CDH1: variants seen among roughly 807,000 people sequenced by gnomAD.
The protein encoded by CDH1 is cadherin 1, also known as cadherin-1.
In CDH1, 35 loss-of-function variants were observed where a neutral mutation model predicts 84.5. That is an observed-to-expected ratio of 0.41 (90% CI 0.32 to 0.55). The LOEUF is 0.55. CDH1 is among the 20% of genes least tolerant of loss of function. The pLI, the probability that CDH1 is intolerant of heterozygous loss-of-function variation, is 0.19. For synonymous variants in CDH1, 417 were observed against 439.0 expected (o/e 0.95, Z 0.63); for missense variants, 994 against 1,126.6 (o/e 0.88, Z 1.68).
intron 13 of CDH1, among the ~76,000 whole-genome samples, chr16:68,827,698 C>T (rs927505663): frequency 6.6e-6 from 1 of 152,114 alleles, no homozygotes; most frequent in Non-Finnish European, 1.5e-5. Flanking sequence ...AACTCAGAAT[C>T]AAAGCCAAAG....
intron 7 of CDH1, 138 bp downstream of exon 7, chr16:68,811,997 A>G (rs1302605128): frequency 1.4e-6 from 2 of 1,423,226 alleles, no homozygotes; most frequent in East Asian, 4.6e-5. Flanking sequence ...GCTTGTGCCC[A>G]GAGGTTCCGT....
intron 13 of CDH1, 76 bp downstream of exon 13, chr16:68,823,702 G>C: frequency 3.0e-6 from 3 of 984,040 alleles, no homozygotes; most frequent in Non-Finnish European, 4.7e-6. Flanking sequence ...AATGATTTTT[G>C]TTCTTATATT....
At chr16:68,758,129 T>C (rs192022067) in intron 2 of CDH1, among the ~76,000 whole-genome samples, 296 of 151,004 alleles carry the variant, frequency 2.0e-3, no homozygotes, top group Middle Eastern at 3.4e-3. Context: ...TTTCTTTCTT[T>C]TTTTTCAAAT....
intron 13 of CDH1, among the ~76,000 whole-genome samples, chr16:68,826,855 T>C (rs962562500): frequency 2.0e-5 from 3 of 152,214 alleles, no homozygotes; most frequent in African/African-American, 7.2e-5. Flanking sequence ...TGATGAATCA[T>C]GGACAAGGGA....
rs113999682 is a variant in CDH1, at chr16:68,832,228, A to G, written c.2440-1062A>G. Among the ~76,000 whole-genome samples the G allele has an allele frequency of 4.6e-3, 703 of 152,162 alleles. 13 individuals are homozygous for G. Among genetic ancestry groups the G allele is most frequent in the African/African-American group, 0.016 (683 of 41,472 alleles). ...AATCTGTACAACAAATCCCCATGACATGAGTTTACGATTTGTTACCTATAT... is the reference window on the plus strand; with the variant it reads ...AATCTGTACAACAAATCCCCATGACGTGAGTTTACGATTTGTTACCTATAT... On this transcript the variant is annotated intron_variant, in intron 15 of 15. Coordinates refer to ENST00000261769, the MANE Select transcript of CDH1 (RefSeq NM_004360.5).
rs772622537 is a variant in CDH1, at chr16:68,813,423, G to C, written c.1248G>C (p.Leu416Phe). Reference sequence around the variant, plus strand: ...CGTGGGAGGCTGTATACACCATATTGAATGATGATGGTGGACAATTTGTCG... The same window carrying C: ...CGTGGGAGGCTGTATACACCATATTCAATGATGATGGTGGACAATTTGTCG... ...TPAWEAVYTI[L>F]NDDGGQFVVT... Residue 416 changes from leucine (L) to phenylalanine (F), a missense_variant, in exon 9 of 16, where the codon TTG (leucine) becomes TTC (phenylalanine). This residue lies in a region of CDH1 where 769 missense variants were observed against 881.8 expected (regional missense o/e 0.87). Coordinates refer to ENST00000261769, the MANE Select transcript of CDH1 (RefSeq NM_004360.5). 9 of 1,613,876 alleles carry C rather than the reference G, an allele frequency of 5.6e-6. No homozygotes were observed. In the South Asian group the frequency reaches 9.9e-5, roughly 18 times the overall value.
intron 2 of CDH1, among the ~76,000 whole-genome samples, chr16:68,763,981 G>C (rs1194976900): frequency 6.6e-6 from 1 of 152,162 alleles, no homozygotes; most frequent in Non-Finnish European, 1.5e-5. Flanking sequence ...GAGCTGGTTG[G>C]GGGGATGGCG....
intron 2 of CDH1, among the ~76,000 whole-genome samples, chr16:68,757,242 C>G (rs1344354811): frequency 6.6e-6 from 1 of 152,064 alleles, no homozygotes; most frequent in East Asian, 1.9e-4. Flanking sequence ...GCCAGCGCCA[C>G]CATGCCCGGC....
chr16:68,769,001 T>C (rs1435853298), intron 2 of CDH1, among the ~76,000 whole-genome samples: 1 of 152,200 alleles, frequency 6.6e-6, no homozygotes, highest in African/African-American at 2.4e-5. Context: ...AGAGTCTGTC[T>C]TGGATAATAG....
Position 68,834,965 on chromosome 16 carries a change from A to G in CDH1, c.*1466A>G, listed in dbSNP as rs764930876. On this transcript the variant is annotated 3_prime_UTR_variant, in exon 16 of 16. Coordinates refer to ENST00000261769, the MANE Select transcript of CDH1 (RefSeq NM_004360.5). ...TCTCTGAAAATTCTGGAAGGAATGG[A>G]GGAGTCTCAACATGTGTTTCTGACA... is the stretch of plus-strand genomic sequence containing the variant. The G allele has an allele frequency of 4.3e-6, 1 of 232,286 alleles. No homozygotes were observed. Among genetic ancestry groups the G allele is most frequent in the Non-Finnish European group, 8.5e-6 (1 of 117,142 alleles). The allele number at this position is 232,286 out of a possible 1,614,324, so 14.4% of individuals were successfully genotyped here.
rs1042391377 is a variant in CDH1 at position 68,738,303 on chromosome 16, T to G, written c.55T>G (p.Ser19Ala). The G allele has an allele frequency of 3.2e-6, 5 of 1,549,468 alleles. No homozygotes were observed. The highest frequency in any genetic ancestry group is 1.2e-5 in the South Asian group (1 of 83,996). ...SALLLLLQVS[S>A]WLCQEPEPCH... ...TACCTTTCCCCCACCCCAGGTCTCC[T>G]CTTGGCTCTGCCAGGAGCCGGAGCC... Residue 19 changes from serine (S) to alanine (A), a missense_variant, in exon 2 of 16, where the codon TCT becomes GCT. Physicochemically the swap from Ser to Ala is moderately conservative, Grantham distance 99. Around this residue, in one of 3 missense-constraint regions of CDH1, gnomAD observed 203 missense variants for 194.0 expected, o/e 1.05. Transcript: ENST00000261769.
intron 2 of CDH1, among the ~76,000 whole-genome samples, chr16:68,778,644 G>A (rs547482799): frequency 1.3e-5 from 2 of 152,310 alleles, no homozygotes; most frequent in African/African-American, 4.8e-5. Flanking sequence ...TATATTGTGT[G>A]TGTAATCAGA....
At chr16:68,745,458 C>T (rs1337917751) in intron 2 of CDH1, among the ~76,000 whole-genome samples, 3 of 145,886 alleles carry the variant, frequency 2.1e-5, no homozygotes, top group African/African-American at 7.6e-5. Flanking sequence ...GGGGGGATTG[C>T]GTGAAGCCCG....
Position 68,804,737 on chromosome 16 carries a change from T to C in CDH1, c.387+2844T>C, listed in dbSNP as rs188407697. Among the ~76,000 whole-genome samples the C allele has an allele frequency of 9.9e-5, 15 of 152,098 alleles. No homozygotes were observed. The East Asian group carries it at 2.3e-3, about 23-fold the overall frequency. On this transcript the variant is annotated intron_variant, in intron 3 of 15. Coordinates refer to ENST00000261769, the MANE Select transcript of CDH1 (RefSeq NM_004360.5). ...ATCCTTCTGGAACCAGGTGGTACTG[T>C]AATTAGATGGCAGTCTTACCTCGCT...
chr16:68,738,251 G>C, intron 1 of CDH1, 46 bp from the exon 2 acceptor site: 1 of 1,301,120 alleles, frequency 7.7e-7, no homozygotes, highest in Non-Finnish European at 1.1e-6. Context: ...GAGCAGGAGG[G>C]AACCCTCCGA....
rs1295571505 is a variant in CDH1, at chr16:68,835,514, A to G, written c.*2015A>G. On this transcript the variant is annotated 3_prime_UTR_variant, in exon 16 of 16. Coordinates refer to ENST00000261769, the MANE Select transcript of CDH1 (RefSeq NM_004360.5). ...TATTCTCAAAGATGCATTTTTATAA[A>G]TTTTATTAAACAATTTTGTTAAACC... 1.0e-5 allele frequency: 2 copies of G among 194,744 alleles called. No homozygotes were observed. Among genetic ancestry groups the G allele is most frequent in the Non-Finnish European group, 2.1e-5 (2 of 93,278 alleles). 12.1% of individuals were successfully genotyped at this position (194,744 alleles called of 1,614,324 possible). A position where few individuals can be genotyped will look rare whatever the true frequency, so the allele number is the denominator to read the frequency against.
intron 13 of CDH1, among the ~76,000 whole-genome samples, chr16:68,823,970 T>C (rs1286646486): frequency 6.7e-6 from 1 of 149,496 alleles, no homozygotes; most frequent in African/African-American, 2.5e-5. Context: ...AGGTCTGGCA[T>C]AGGGCCACAG....
At chr16:68,768,652 TG>T (rs1959456034) in intron 2 of CDH1, among the ~76,000 whole-genome samples, 1 of 152,178 alleles carries the variant, frequency 6.6e-6, no homozygotes, top group African/African-American at 2.4e-5. Flanking sequence ...TGAGCCCAAG[TG>T]TTGAAGTCCA....
intron 2 of CDH1, among the ~76,000 whole-genome samples, chr16:68,743,826 A>C (rs970405181): frequency 1.3e-5 from 2 of 152,240 alleles, no homozygotes; most frequent in Admixed American, 6.5e-5. Context: ...TTGACTTTGA[A>C]TAAGTCACTT....
Sources: gnomAD v4.1 joint callset for allele counts (sites outside exome capture counted in the v4.1 genomes callset) on GRCh38, gnomAD v4.1.1 for gene constraint, gnomAD v4.1.1 regional missense constraint, MANE v1.5 for transcripts, NCBI Gene and HGNC (gene_info 2026-07-23, HGNC 2026-07-21) for gene names.